The following JARID2 variants were observed in gnomAD, a reference collection of about 807,000 sequenced individuals.
JARID2 encodes the protein protein Jumonji.
JARID2 carries 21 observed loss-of-function variants against 125.6 expected under a neutral mutation model. The ratio of observed to expected loss-of-function variants is 0.17; its 90% CI spans 0.12 to 0.24. The LOEUF (loss-of-function observed/expected upper bound fraction) is 0.24, where lower values mean the gene tolerates loss of function less well. Among genes scored for constraint, JARID2 ranks in the 10% least tolerant of loss-of-function variants. The pLI is 1.00. For synonymous variants in JARID2, 736 were observed against 661.6 expected (o/e 1.11, Z -1.73); for missense variants, 1,303 against 1,639.6 (o/e 0.79, Z 3.55).
At chr6:15,497,367 A>G (rs112701737) in intron 7 of JARID2, among the ~76,000 whole-genome samples, 197 bp downstream of exon 7, 3 of 152,184 alleles carry the variant, frequency 2.0e-5, no homozygotes, top group African/African-American at 7.2e-5. Context: ...GCAGGATAAG[A>G]ATGGTATTGA....
intron 1 of JARID2, among the ~76,000 whole-genome samples, chr6:15,300,545 T>C (rs1037937930): frequency 9.9e-5 from 15 of 152,154 alleles, no homozygotes; most frequent in African/African-American, 2.9e-4. Context: ...TTTAACCGCT[T>C]GCAGCCAGGA....
intron 4 of JARID2, 151 bp downstream of exon 4, chr6:15,452,326 CGA>C: frequency 8.4e-7 from 1 of 1,193,016 alleles, no homozygotes; most frequent in Middle Eastern, 2.7e-4. Context: ...GAAATCCCAC[CGA>C]GAGAGTGTGT....
chr6:15,283,892 A>C (rs1471349160), intron 1 of JARID2, among the ~76,000 whole-genome samples: 3 of 151,570 alleles, frequency 2.0e-5, no homozygotes, highest in African/African-American at 7.3e-5. Context: ...AATTTTTAGT[A>C]GAGATGGGGT....
In JARID2 at chr6:15,364,578, G is replaced by A. The variant is rs137967838; in HGVS notation, c.46-9539G>A. Reference sequence around the variant, plus strand: ...TCCAACCTGGAGAGTTGTATGAGTGGATGTCTGCACTTTGAATAGTTCTTG... The same window carrying A: ...TCCAACCTGGAGAGTTGTATGAGTGAATGTCTGCACTTTGAATAGTTCTTG... On this transcript the variant is annotated intron_variant, in intron 1 of 17. Transcript: ENST00000341776. Among the ~76,000 whole-genome samples the A allele has an allele frequency of 4.3e-3, 655 of 152,268 alleles. 3 individuals carry two copies. Among genetic ancestry groups the A allele is most frequent in the Middle Eastern group, 0.017 (5 of 294 alleles).
intron 8 of JARID2, among the ~76,000 whole-genome samples, chr6:15,501,947 G>A (rs1347767082): frequency 6.6e-6 from 1 of 152,198 alleles, no homozygotes; most frequent in African/African-American, 2.4e-5. Flanking sequence ...TCACTGGCTG[G>A]ACCGTCAGTG....
intron 1 of JARID2, among the ~76,000 whole-genome samples, chr6:15,303,126 TTTATA>T (rs939431687): frequency 7.1e-4 from 108 of 152,332 alleles, no homozygotes; most frequent in African/African-American, 2.4e-3. Context: ...TAATTGATAA[TTTATA>T]AAGGTAGCCT....
chr6:15,321,729 A>G (rs1217144565), intron 1 of JARID2, among the ~76,000 whole-genome samples: 2 of 151,802 alleles, frequency 1.3e-5, no homozygotes, highest in African/African-American at 2.4e-5. Flanking sequence ...TGAGACTTCA[A>G]TAATAGAGTG....
chr6:15,285,137 T>C (rs1760947918), intron 1 of JARID2, among the ~76,000 whole-genome samples: 1 of 132,122 alleles, frequency 7.6e-6, no homozygotes, highest in Non-Finnish European at 1.5e-5. Flanking sequence ...TGAAAGGAAG[T>C]CTTGCTCTTG....
chr6:15,499,457 T>A (rs973678893), intron 7 of JARID2, among the ~76,000 whole-genome samples: 5 of 152,222 alleles, frequency 3.3e-5, no homozygotes, highest in African/African-American at 1.2e-4. Context: ...CGTTATAATC[T>A]ACTTAGAGTG....
chr6:15,520,131 T>A lies in JARID2; in HGVS notation c.3621T>A (p.Ile1207=), dbSNP rs1771763276. The change falls in exon 18 of 18, where the codon ATT becomes ATA. Residue 1207 remains isoleucine, a synonymous_variant. Coordinates refer to ENST00000341776, the MANE Select transcript of JARID2 (RefSeq NM_004973.4). ...AAGTGTCTGGTAAAAACGGCAGCAT[T>A]GAGAACTGTCTCAGTAAACCCACAC... is the stretch of plus-strand genomic sequence containing the variant. The part of the protein sequence containing the change: ...CGKVSGKNGS[I]ENCLSKPTPK... 1 of 1,613,948 alleles carries A rather than the reference T, an allele frequency of 6.2e-7. No homozygotes were observed. Among genetic ancestry groups the A allele is most frequent in the East Asian group, 2.2e-5 (1 of 44,858 alleles).
At chr6:15,488,749 G>C (rs1770002407) in intron 6 of JARID2, among the ~76,000 whole-genome samples, 1 of 152,168 alleles carries the variant, frequency 6.6e-6, no homozygotes, top group Non-Finnish European at 1.5e-5. Context: ...ATAGTATGCA[G>C]TTGGGGGGGT....
chr6:15,387,181 T>C (rs867868901), intron 2 of JARID2, among the ~76,000 whole-genome samples: 46 of 152,216 alleles, frequency 3.0e-4, no homozygotes, highest in African/African-American at 9.6e-4. Flanking sequence ...TTAGTTAGAC[T>C]GAATCCTGTG....
At chr6:15,385,754 G>A (rs1420337097) in intron 2 of JARID2, among the ~76,000 whole-genome samples, 1 of 152,092 alleles carries the variant, frequency 6.6e-6, no homozygotes, top group Non-Finnish European at 1.5e-5. Context: ...TTGTTGCCAT[G>A]CTGTGGATGT....
intron 3 of JARID2, among the ~76,000 whole-genome samples, chr6:15,417,285 A>G (rs1766274534): frequency 6.6e-6 from 1 of 152,066 alleles, no homozygotes; most frequent in East Asian, 1.9e-4. Context: ...TTGAACATTT[A>G]CTTGTTGTGT....
At chr6:15,408,174 C>A (rs1765725637) in intron 2 of JARID2, among the ~76,000 whole-genome samples, 1 of 152,042 alleles carries the variant, frequency 6.6e-6, no homozygotes, top group South Asian at 2.1e-4. Context: ...ATTTCTCCAG[C>A]CCAGGAGGTC....
In JARID2 at chr6:15,427,023, A is replaced by G. The variant is rs74380829; in HGVS notation, c.323+16658A>G. ...TGGCAACCCTTTGTGGCTGTGTGCA[A>G]TTTATTTTTAACCTTGCCATTTATG... On this transcript the variant is annotated intron_variant, in intron 3 of 17. Transcript: ENST00000341776. Among the ~76,000 whole-genome samples, 703 of 152,264 alleles carry G rather than the reference A, an allele frequency of 4.6e-3. 9 individuals carry two copies. The highest frequency in any genetic ancestry group is 0.016 in the African/African-American group (668 of 41,552).
At chr6:15,261,040 G>T (rs992753242) in intron 1 of JARID2, among the ~76,000 whole-genome samples, 4 of 152,116 alleles carry the variant, frequency 2.6e-5, no homozygotes, top group Admixed American at 6.6e-5. Flanking sequence ...TATAAATAAT[G>T]ATGATTATAA....
intron 2 of JARID2, among the ~76,000 whole-genome samples, chr6:15,394,486 C>T (rs142883306): frequency 1.6e-4 from 25 of 152,072 alleles, no homozygotes; most frequent in African/African-American, 4.8e-4. Flanking sequence ...TGTAGTACAG[C>T]TACTTGGGAG....
chr6:15,396,700 T>A (rs558415177), intron 2 of JARID2, among the ~76,000 whole-genome samples: 1 of 152,236 alleles, frequency 6.6e-6, no homozygotes. Flanking sequence ...TTAAAAGTTA[T>A]GAATTGTTTA....
Sources: allele counts gnomAD v4.1 joint callset (sites outside exome capture counted in the v4.1 genomes callset), GRCh38; gene constraint gnomAD v4.1.1; transcripts MANE v1.5; gene names NCBI Gene and HGNC (gene_info 2026-07-23, HGNC 2026-07-21).